The following VAV1 variants were observed in gnomAD, a reference collection of about 807,000 sequenced individuals.
The protein encoded by VAV1 is proto-oncogene vav.
In VAV1, 33 loss-of-function variants were observed where a neutral mutation model predicts 128.1. The observed-to-expected ratio is 0.26, with a 90% CI of 0.20 to 0.34. The LOEUF (loss-of-function observed/expected upper bound fraction) is 0.34, where lower values mean the gene tolerates loss of function less well. Ranked by LOEUF, VAV1 falls within the 10% of genes least tolerant of loss-of-function variation. The pLI, the probability that VAV1 is intolerant of heterozygous loss-of-function variation, is 1.00. For missense variants in VAV1, 715 were observed against 1,093.7 expected, an observed-to-expected ratio of 0.65 and a Z score of 4.88; for synonymous variants, 394 against 409.8, an observed-to-expected ratio of 0.96 and a Z score of 0.47.
chr19:6,806,093 G>A (rs1341843298), intron 1 of VAV1, among the ~76,000 whole-genome samples: 3 of 151,992 alleles, frequency 2.0e-5, no homozygotes, highest in African/African-American at 7.2e-5. Context: ...TGTAAATGAA[G>A]CTCTTTTTTT....
rs1972379973 is a variant in VAV1 at position 6,841,628 on chromosome 19, C to T, written c.1981-1507C>T. Among the ~76,000 whole-genome samples the T allele has an allele frequency of 3.9e-5, 6 of 151,990 alleles. No homozygotes were observed. The South Asian group carries it at 1.0e-3, about 26-fold the overall frequency. On this transcript the variant is annotated intron_variant, in intron 21 of 26. Transcript: ENST00000602142. ...TAACTGGGATTACAGGCATGCGTCA[C>T]CACGCCCGGCTAATTTTTTGTATTT...
intron 24 of VAV1, among the ~76,000 whole-genome samples, chr19:6,851,370 T>C (rs1348091715): frequency 6.6e-6 from 1 of 152,020 alleles, no homozygotes; most frequent in Non-Finnish European, 1.5e-5. Context: ...TTTGTAGAGA[T>C]GGGGACTTGC....
chr19:6,776,667 TCCATGTATCCACCCATCCACCCACCCAC>T, intron 1 of VAV1, among the ~76,000 whole-genome samples: 1 of 151,850 alleles, frequency 6.6e-6, no homozygotes, highest in African/African-American at 2.4e-5. Context: ...TACTTTTCCA[TCCATGTATCCACCCATCCACCCACCCAC>T]CCATTCACCT....
chr19:6,832,382 G>A (rs1009029395), intron 15 of VAV1, among the ~76,000 whole-genome samples, 182 bp downstream of exon 15: 1 of 152,096 alleles, frequency 6.6e-6, no homozygotes, highest in African/African-American at 2.4e-5. Context: ...TGCAGGGGTT[G>A]TGTGCAAGCT....
At chr19:6,778,931 C>T (rs965663765) in intron 1 of VAV1, among the ~76,000 whole-genome samples, 3 of 148,986 alleles carry the variant, frequency 2.0e-5, no homozygotes, top group African/African-American at 2.5e-5. Flanking sequence ...GGCTGGAGTG[C>T]AGTGGTATGA....
chr19:6,799,401 C>T (rs191944711), intron 1 of VAV1, among the ~76,000 whole-genome samples: 234 of 152,226 alleles, frequency 1.5e-3, no homozygotes, highest in Admixed American at 2.2e-3. Context: ...AACTCCTGAC[C>T]TCATAATCTG....
chr19:6,778,269 C>A (rs1353713928), intron 1 of VAV1, among the ~76,000 whole-genome samples: 11 of 152,112 alleles, frequency 7.2e-5, no homozygotes, highest in Non-Finnish European at 1.6e-4. Context: ...AAAATCTGGG[C>A]TGCGGAGATG....
chr19:6,796,163 C>T (rs1309403901), intron 1 of VAV1, among the ~76,000 whole-genome samples: 2 of 152,230 alleles, frequency 1.3e-5, no homozygotes, highest in South Asian at 4.1e-4. Flanking sequence ...ACGTTCCCAA[C>T]ATGTGCACAT....
At chr19:6,838,002 G>A (rs1972262708) in intron 21 of VAV1, among the ~76,000 whole-genome samples, 1 of 152,008 alleles carries the variant, frequency 6.6e-6, no homozygotes, top group Admixed American at 6.6e-5. Context: ...AGTTACAATA[G>A]GAATTTCCAA....
chr19:6,821,962 C>T (rs1971800250), intron 4 of VAV1, 103 bp downstream of exon 4: 2 of 1,486,320 alleles, frequency 1.3e-6, no homozygotes, highest in African/African-American at 1.4e-5. Context: ...AAGGTCATAC[C>T]CTGGTGTCTG....
intron 1 of VAV1, among the ~76,000 whole-genome samples, chr19:6,778,272 C>T (rs1292646567): frequency 2.6e-5 from 4 of 152,072 alleles, no homozygotes; most frequent in South Asian, 2.1e-4. Context: ...ATCTGGGCTG[C>T]GGAGATGGAA....
intron 1 of VAV1, among the ~76,000 whole-genome samples, chr19:6,783,469 C>G (rs1970811067): frequency 8.6e-6 from 1 of 115,800 alleles, no homozygotes; most frequent in Non-Finnish European, 1.8e-5. Context: ...TCACCTCCAT[C>G]CTTTTTTTTT....
intron 1 of VAV1, among the ~76,000 whole-genome samples, chr19:6,803,172 C>T (rs550536067): frequency 6.6e-6 from 1 of 151,526 alleles, no homozygotes; most frequent in South Asian, 2.1e-4. Flanking sequence ...AGTGAAAGTG[C>T]ATAGCGGCAG....
chr19:6,773,192 A>T (rs900999226), intron 1 of VAV1, among the ~76,000 whole-genome samples, 181 bp downstream of exon 1: 1 of 152,164 alleles, frequency 6.6e-6, no homozygotes, highest in Non-Finnish European at 1.5e-5. Context: ...GGCCTCCCCA[A>T]GCTTAACAGG....
intron 1 of VAV1, among the ~76,000 whole-genome samples, chr19:6,775,403 G>A (rs749876872): frequency 6.6e-6 from 1 of 152,214 alleles, no homozygotes; most frequent in Non-Finnish European, 1.5e-5. Context: ...GGTGCATGAT[G>A]CTAATCCCTG....
intron 1 of VAV1, among the ~76,000 whole-genome samples, chr19:6,797,127 G>A (rs529250521): frequency 2.3e-4 from 35 of 152,044 alleles, no homozygotes; most frequent in Non-Finnish European, 4.3e-4. Flanking sequence ...AGCTGCTCAG[G>A]AGGCTGAGGC....
chr19:6,802,003 G>A (rs970169615), intron 1 of VAV1, among the ~76,000 whole-genome samples: 1 of 145,722 alleles, frequency 6.9e-6, no homozygotes, highest in Non-Finnish European at 1.5e-5. Context: ...ACTGAGGGGG[G>A]TTGCCCCCAG....
Position 6,780,112 on chromosome 19 carries a change from A to AAATAATAAT in VAV1, c.204+7140_204+7148dup, listed in dbSNP as rs55937714. ...GGCGACAGAGCAAGACTCTGTCTTA[A>AAATAATAAT]AATAATAATAATAATAATAATAATA... is the stretch of plus-strand genomic sequence containing the variant. On this transcript the variant is annotated intron_variant, in intron 1 of 26. Transcript: ENST00000602142. Among the ~76,000 whole-genome samples the AAATAATAAT allele has an allele frequency of 1.2e-3, 147 of 127,500 alleles. 3 individuals carry two copies. Among genetic ancestry groups the AAATAATAAT allele is most frequent in the Middle Eastern group, 3.8e-3 (1 of 262 alleles). 83.6% of individuals were successfully genotyped at this position (127,500 alleles called of 152,430 possible).
chr19:6,817,115 C>T (rs1971672073), intron 1 of VAV1, among the ~76,000 whole-genome samples: 1 of 151,264 alleles, frequency 6.6e-6, no homozygotes, highest in Non-Finnish European at 1.5e-5. Flanking sequence ...GTGGGGATAT[C>T]TCAGCTCACT....
Sources: allele counts gnomAD v4.1 joint callset (sites outside exome capture counted in the v4.1 genomes callset), GRCh38; gene constraint gnomAD v4.1.1; transcripts MANE v1.5; gene names NCBI Gene and HGNC (gene_info 2026-07-23, HGNC 2026-07-21).